Variants in ASH1L observed in about 807,000 individuals in gnomAD.
The protein encoded by ASH1L is ASH1 like histone lysine methyltransferase.
In ASH1L, 23 loss-of-function variants were observed where a neutral mutation model predicts 269.0. That is an observed-to-expected ratio of 0.09 (90% confidence interval 0.06 to 0.12). The LOEUF is 0.12. ASH1L is among the 10% of genes least tolerant of loss of function. The pLI is 1.00. For synonymous variants in ASH1L, 1,187 were observed against 1,253.5 expected, an observed-to-expected ratio of 0.95 and a Z score of 1.12; for missense variants, 2,912 against 3,567.8, an observed-to-expected ratio of 0.82 and a Z score of 4.68.
At chr1:155,427,542 G>C (rs565017979) in intron 5 of ASH1L, among the ~76,000 whole-genome samples, 91 of 152,190 alleles carry the variant, frequency 6.0e-4, no homozygotes, top group African/African-American at 2.1e-3. Flanking sequence ...GACCTCAGGT[G>C]ATCCGCCCAC....
rs937199497 is a variant in ASH1L, at chr1:155,336,485, G to C, written c.*1175C>G. On this transcript the variant is annotated 3_prime_UTR_variant, in exon 28 of 28. Transcript: ENST00000392403. ...ATCTAAAACATATATGCATATGTAT[G>C]TCTGAAAAGACAACAAAGCTTTTTA... 2 of 152,326 alleles carry C rather than the reference G, an allele frequency of 1.3e-5. No homozygotes were observed. Among genetic ancestry groups the C allele is most frequent in the African/African-American group, 4.8e-5 (2 of 41,318 alleles). 9.4% of individuals were successfully genotyped at this position (152,326 alleles called of 1,614,324 possible).
At chr1:155,356,039 G>A (rs1297942947) in intron 15 of ASH1L, among the ~76,000 whole-genome samples, 1 of 151,516 alleles carries the variant, frequency 6.6e-6, no homozygotes, top group East Asian at 2.0e-4. Flanking sequence ...CTGGGTTCAA[G>A]CAATTCTCCT....
intron 12 of ASH1L, among the ~76,000 whole-genome samples, chr1:155,364,215 A>G (rs1424646653): frequency 6.6e-6 from 1 of 152,204 alleles, no homozygotes; most frequent in Non-Finnish European, 1.5e-5. Flanking sequence ...GTGAGTCAAG[A>G]TCGTCCCACT....
chr1:155,496,714 T>C (rs1667178980), intron 2 of ASH1L, among the ~76,000 whole-genome samples: 1 of 152,102 alleles, frequency 6.6e-6, no homozygotes, highest in Non-Finnish European at 1.5e-5. Context: ...ACGTGGCTCA[T>C]TGTAGCCTTG....
At chr1:155,490,494 C>CA (rs1666689219) in intron 2 of ASH1L, among the ~76,000 whole-genome samples, 1 of 151,534 alleles carries the variant, frequency 6.6e-6, no homozygotes, top group Non-Finnish European at 1.5e-5. Context: ...GCAGCACATA[C>CA]CTGTAATCCC....
At chr1:155,501,889 T>C (rs181422121) in intron 2 of ASH1L, among the ~76,000 whole-genome samples, 4 of 152,012 alleles carry the variant, frequency 2.6e-5, no homozygotes, top group Non-Finnish European at 5.9e-5. Context: ...TCTCGATCTA[T>C]TGACCTCATG....
intron 5 of ASH1L, among the ~76,000 whole-genome samples, chr1:155,416,694 T>C (rs910285910): frequency 1.3e-5 from 2 of 148,580 alleles, no homozygotes; most frequent in African/African-American, 5.0e-5. Context: ...TGTAACCACA[T>C]CTGGATAATT....
At chr1:155,444,266 G>A (rs1662828960) in intron 4 of ASH1L, among the ~76,000 whole-genome samples, 1 of 152,110 alleles carries the variant, frequency 6.6e-6, no homozygotes, top group Non-Finnish European at 1.5e-5. Context: ...ACAGGTGTGA[G>A]CCACTGCAAC....
chr1:155,352,638 CTATT>C, intron 17 of ASH1L, 64 bp downstream of exon 17: 1 of 1,453,372 alleles, frequency 6.9e-7, no homozygotes. Flanking sequence ...GACCCTATCT[CTATT>C]TATTTAAAAA....
chr1:155,525,050 C>T (rs1466740993), intron 1 of ASH1L, among the ~76,000 whole-genome samples: 1 of 151,904 alleles, frequency 6.6e-6, no homozygotes, highest in African/African-American at 2.4e-5. Context: ...GAGTTTGAGA[C>T]CAGTCTAGCA....
At chr1:155,416,189 G>A (rs1660193737) in intron 5 of ASH1L, among the ~76,000 whole-genome samples, 1 of 151,786 alleles carries the variant, frequency 6.6e-6, no homozygotes, top group Admixed American at 6.6e-5. Flanking sequence ...GGAGTGCAGG[G>A]GCACAATCTT....
At chr1:155,413,267 A>C (rs968299587) in intron 6 of ASH1L, among the ~76,000 whole-genome samples, 5 of 152,126 alleles carry the variant, frequency 3.3e-5, no homozygotes, top group Non-Finnish European at 7.4e-5. Flanking sequence ...TGCAATTTAA[A>C]TTCTAGCCAA....
chr1:155,540,953 T>C (rs1260632747), intron 1 of ASH1L, among the ~76,000 whole-genome samples: 1 of 152,064 alleles, frequency 6.6e-6, no homozygotes, highest in African/African-American at 2.4e-5. Context: ...CTTTCCATCT[T>C]AGTTTAAAAG....
intron 4 of ASH1L, among the ~76,000 whole-genome samples, chr1:155,449,537 T>TG (rs1359542652): frequency 2.6e-5 from 4 of 151,636 alleles, no homozygotes; most frequent in African/African-American, 4.8e-5. Flanking sequence ...TTTTTTTTTT[T>TG]GAGACAGAGT....
chr1:155,450,476 T>A (rs1663381881), intron 4 of ASH1L, among the ~76,000 whole-genome samples: 1 of 152,242 alleles, frequency 6.6e-6, no homozygotes, highest in Non-Finnish European at 1.5e-5. Flanking sequence ...CATTCATTTT[T>A]TTGGTCAATC....
chr1:155,540,067 CAAAA>C (rs199663612), intron 1 of ASH1L, among the ~76,000 whole-genome samples: 3 of 138,754 alleles, frequency 2.2e-5, no homozygotes, highest in African/African-American at 8.0e-5. Context: ...GACCTTGTCT[CAAAA>C]AAAAAAAAAA....
chr1:155,531,848 G>C (rs1669696280), intron 1 of ASH1L, among the ~76,000 whole-genome samples: 1 of 152,122 alleles, frequency 6.6e-6, no homozygotes, highest in Non-Finnish European at 1.5e-5. Context: ...TTTCACAACA[G>C]AGTGCTTTTT....
intron 5 of ASH1L, among the ~76,000 whole-genome samples, chr1:155,428,269 T>C (rs1415846582): frequency 6.6e-6 from 1 of 151,940 alleles, no homozygotes; most frequent in Non-Finnish European, 1.5e-5. Flanking sequence ...TGAAACCCCG[T>C]CTCTACTAAA....
chr1:155,464,490 C>A (rs1664529538), intron 3 of ASH1L, among the ~76,000 whole-genome samples: 1 of 150,978 alleles, frequency 6.6e-6, no homozygotes, highest in Admixed American at 6.6e-5. Context: ...CACATAAATG[C>A]AGGAAGTAGA....
Sources: allele counts gnomAD v4.1 joint callset (sites outside exome capture counted in the v4.1 genomes callset), GRCh38; gene constraint gnomAD v4.1.1; transcripts MANE v1.5; gene names NCBI Gene and HGNC (gene_info 2026-07-23, HGNC 2026-07-21).